GRIA3: variants seen among roughly 807,000 people sequenced by gnomAD.
GRIA3 encodes glutamate ionotropic receptor AMPA type subunit 3.
In GRIA3, 3 loss-of-function variants were observed where a neutral mutation model predicts 63.0. The ratio of observed to expected loss-of-function variants is 0.05; its 90% CI spans 0.02 to 0.12. The LOEUF (loss-of-function observed/expected upper bound fraction) is 0.12, where lower values mean the gene tolerates loss of function less well. Ranked by LOEUF, GRIA3 falls within the 10% of genes least tolerant of loss-of-function variation. The pLI, the probability that GRIA3 is intolerant of heterozygous loss-of-function variation, is 1.00. For missense variants in GRIA3, 347 were observed against 700.9 expected (o/e 0.50, Z 5.70); for synonymous variants, 274 against 257.9 (o/e 1.06, Z -0.60).
chrX:123,322,913 T>A (rs934489332), intron 3 of GRIA3, among the ~76,000 whole-genome samples: 3 of 112,203 alleles, frequency 2.7e-5, no homozygotes, highest in African/African-American at 9.7e-5. Flanking sequence ...GGTAATACAT[T>A]CACATGGTTC....
intron 3 of GRIA3, among the ~76,000 whole-genome samples, chrX:123,254,519 A>G (rs1246053815): frequency 9.0e-6 from 1 of 111,157 alleles, no homozygotes; most frequent in African/African-American, 3.3e-5. Context: ...CAGAATTTTT[A>G]AACTCAGAAG....
intron 5 of GRIA3, among the ~76,000 whole-genome samples, chrX:123,394,346 G>T (rs763193871): frequency 1.8e-5 from 2 of 110,452 alleles, no homozygotes; most frequent in East Asian, 2.8e-4. Flanking sequence ...CAGCCTGGGC[G>T]ACACAGCGAG....
intron 3 of GRIA3, among the ~76,000 whole-genome samples, chrX:123,270,411 G>A (rs1440488728): frequency 8.9e-6 from 1 of 112,070 alleles, no homozygotes; most frequent in Non-Finnish European, 1.9e-5. Context: ...AAAAAGATAG[G>A]ATAGCCACTA....
chrX:123,233,779 A>C (rs974345343), intron 2 of GRIA3, among the ~76,000 whole-genome samples: 1 of 111,921 alleles, frequency 8.9e-6, no homozygotes, highest in Admixed American at 9.5e-5. Context: ...TGAAAGAATG[A>C]GCAAGATGTC....
chrX:123,209,442 T>C (rs934883915), intron 2 of GRIA3, among the ~76,000 whole-genome samples: 13 of 111,774 alleles, frequency 1.2e-4, no homozygotes, highest in African/African-American at 4.2e-4. Flanking sequence ...TGAATAATGT[T>C]GATGACCATG....
chrX:123,455,305 A>G (rs187132829), intron 12 of GRIA3, among the ~76,000 whole-genome samples: 15 of 112,165 alleles, frequency 1.3e-4, no homozygotes, highest in African/African-American at 4.5e-4. Flanking sequence ...TCTGAATGTT[A>G]AAAATGTGCA....
At chrX:123,245,248 G>A (rs1045956423) in intron 2 of GRIA3, among the ~76,000 whole-genome samples, 2 of 112,057 alleles carry the variant, frequency 1.8e-5, no homozygotes, top group African/African-American at 3.2e-5. Flanking sequence ...CAGACACATA[G>A]GTGGAGGATG....
At chrX:123,292,511 A>C (rs1317564902) in intron 3 of GRIA3, among the ~76,000 whole-genome samples, 1 of 110,486 alleles carries the variant, frequency 9.1e-6, no homozygotes, top group Non-Finnish European at 1.9e-5. Context: ...CCCACACCCC[A>C]AAAAAGCAAA....
chrX:123,419,795 C>A (rs762777658), intron 11 of GRIA3, among the ~76,000 whole-genome samples: 1 of 111,461 alleles, frequency 9.0e-6, no homozygotes, highest in East Asian at 2.8e-4. Context: ...TTGCCTCATC[C>A]TAGTCCTAGG....
intron 2 of GRIA3, among the ~76,000 whole-genome samples, chrX:123,201,854 G>A (rs765212507): frequency 7.2e-4 from 81 of 111,746 alleles, no homozygotes; most frequent in Admixed American, 3.8e-4. Context: ...AAGTAAAGGC[G>A]CAGGAAAGTG....
At chrX:123,356,817 C>G (rs1170897973) in intron 5 of GRIA3, among the ~76,000 whole-genome samples, 2 of 111,737 alleles carry the variant, frequency 1.8e-5, no homozygotes, top group Non-Finnish European at 1.9e-5. Flanking sequence ...ACTCTACAGA[C>G]AGTGTTACAA....
At chrX:123,386,494 G>A (rs1396379781) in intron 5 of GRIA3, among the ~76,000 whole-genome samples, 1 of 110,845 alleles carries the variant, frequency 9.0e-6, no homozygotes, top group African/African-American at 3.3e-5. Flanking sequence ...TGTTTTTGTT[G>A]CCTGTGCTTT....
intron 12 of GRIA3, among the ~76,000 whole-genome samples, chrX:123,452,585 T>C (rs1453755957): frequency 8.9e-6 from 1 of 111,883 alleles, no homozygotes; most frequent in Non-Finnish European, 1.9e-5. Flanking sequence ...ACCTGTATTG[T>C]CAGGTTTGGC....
chrX:123,244,172 C>G (rs1419157132), intron 2 of GRIA3, among the ~76,000 whole-genome samples: 1 of 112,176 alleles, frequency 8.9e-6, no homozygotes, highest in Non-Finnish European at 1.9e-5. Context: ...ACAAAATGTT[C>G]AAAGGAATTA....
At chrX:123,197,312 G>T (rs1927599519) in intron 2 of GRIA3, among the ~76,000 whole-genome samples, 1 of 111,995 alleles carries the variant, frequency 8.9e-6, no homozygotes, top group Non-Finnish European at 1.9e-5. Flanking sequence ...ATCACCTGAG[G>T]TCAGGAGTTC....
At chrX:123,262,371 G>A (rs1368085445) in intron 3 of GRIA3, among the ~76,000 whole-genome samples, 1 of 111,734 alleles carries the variant, frequency 8.9e-6, no homozygotes, top group African/African-American at 3.3e-5. Context: ...GGACATTTTA[G>A]TAGTGGGTAG....
intron 2 of GRIA3, among the ~76,000 whole-genome samples, chrX:123,242,805 G>A (rs183817486): frequency 3.5e-5 from 4 of 112,882 alleles, no homozygotes; most frequent in Non-Finnish European, 7.5e-5. Context: ...GCCCAGGGAA[G>A]TGACCGGCCC....
chrX:123,300,194 T>C (rs2044712857), intron 3 of GRIA3, among the ~76,000 whole-genome samples: 1 of 109,611 alleles, frequency 9.1e-6, no homozygotes, highest in Non-Finnish European at 1.9e-5. Flanking sequence ...TTTCTTTTAT[T>C]GTTGTGTCGT....
At chrX:123,327,117 G>A (rs1023019661) in intron 4 of GRIA3, among the ~76,000 whole-genome samples, 1 of 110,977 alleles carries the variant, frequency 9.0e-6, no homozygotes, top group Non-Finnish European at 1.9e-5. Context: ...AGTGAGCTAT[G>A]ACCGCACCAC....
Sources: gnomAD v4.1 joint callset for allele counts (sites outside exome capture counted in the v4.1 genomes callset) on GRCh38, gnomAD v4.1.1 for gene constraint, MANE v1.5 for transcripts, NCBI Gene and HGNC (gene_info 2026-07-23, HGNC 2026-07-21) for gene names.